TGM1: variants seen among roughly 807,000 people sequenced by gnomAD.
TGM1 encodes the protein transglutaminase 1.
In TGM1, 63 loss-of-function variants were observed where a neutral mutation model predicts 88.7. The observed-to-expected ratio is 0.71, with a 90% CI of 0.58 to 0.88. The LOEUF (loss-of-function observed/expected upper bound fraction) is 0.88. TGM1 is among the 40% of genes least tolerant of loss of function. The probability of loss-of-function intolerance (pLI) is 0.00; values close to 1 mark genes in which losing one functional copy is unlikely to be tolerated. For synonymous variants in TGM1, 415 were observed against 431.1 expected (o/e 0.96, Z 0.46); for missense variants, 996 against 1,118.0 (o/e 0.89, Z 1.56).
intron 7 of TGM1, 142 bp from the exon 8 acceptor site, chr14:24,258,815 G>A (rs1281094811): frequency 2.3e-6 from 3 of 1,315,804 alleles, no homozygotes; most frequent in Admixed American, 4.3e-5. Flanking sequence ...GGGGCCACAA[G>A]GCCTTTGGGC....
At position 24,255,212 on chromosome 14, in the gene TGM1, G is replaced by T. The variant is rs751219893; in HGVS notation, c.1687C>A (p.His563Asn). ...ERKAVETAAA[H>N]GSKPNVYANR... ...GCATACACATTGGGTTTGCTGCCGT[G>T]GGCTGCTGCTGTCTCTACTGCCTTC... is the stretch of plus-strand genomic sequence containing the variant. The change falls in exon 12 of 15, where the codon CAC becomes AAC. Residue 563 changes from histidine to asparagine, a missense_variant. By Grantham distance (68) the His-to-Asn change is moderately conservative. Transcript: ENST00000206765. The surrounding 1 kb of genome is among the most constrained non-coding windows in gnomAD (Gnocchi z 4.0). 3.1e-6 allele frequency: 5 copies of T among 1,613,702 alleles called. No homozygotes were observed. The highest frequency in any genetic ancestry group is 4.2e-6 in the Non-Finnish European group (5 of 1,180,038).
rs564390872 is a variant in TGM1 at position 24,255,072 on chromosome 14, T to G, written c.1827A>C (p.Thr609=). The change falls in exon 12 of 15, where the codon ACA becomes ACC. Residue 609 remains threonine, a synonymous_variant. Coordinates refer to ENST00000206765, the MANE Select transcript of TGM1 (RefSeq NM_000359.3). The surrounding 1 kb of genome is among the most constrained non-coding windows in gnomAD (Gnocchi z 4.0). ...MLINHSSSRR[T]VKLHLYLSVT... The stretch of plus-strand genomic sequence containing the variant: ...CTGAGAGGTAGAGGTGCAGTTTCAC[T>G]GTGCGGCGGCTGCTGCTGTGATTGA... The G allele has an allele frequency of 2.5e-6, 4 of 1,614,174 alleles. No individual in the cohort carries two copies. Among genetic ancestry groups the G allele is most frequent in the African/African-American group, 2.7e-5 (2 of 75,048 alleles).
At position 24,260,634 on chromosome 14, in the gene TGM1, T is replaced by C; in HGVS notation, c.573A>G (p.Gly191=). 6.2e-7 allele frequency: 1 copy of C among 1,614,170 alleles called. No individual in the cohort carries two copies. The highest frequency in any genetic ancestry group is 8.5e-7 in the Non-Finnish European group (1 of 1,180,028). The change falls in exon 4 of 15, where the codon GGA becomes GGG. Residue 191 remains glycine (G), a synonymous_variant. Transcript: ENST00000206765. ...VIIPVGKGGS[G]GWKAQVVKAS... is the part of the protein sequence containing the mutation. ...CCTTGACCACCTGGGCTTTCCAGCC[T>C]CCACTGCCCCCCTTGCCCACTGGGA...
rs1457816231 is a variant in TGM1 at position 24,255,299 on chromosome 14, G to T, written c.1646-46C>A. 6.2e-7 allele frequency: 1 copy of T among 1,614,210 alleles called. No homozygotes were observed. The highest frequency in any genetic ancestry group is 8.5e-7 in the Non-Finnish European group (1 of 1,180,038). On this transcript the variant is annotated intron_variant, in intron 11 of 14. Transcript: ENST00000206765. The surrounding 1 kb of genome is among the most constrained non-coding windows in gnomAD (Gnocchi z 4.0). The stretch of plus-strand genomic sequence containing the variant: ...GTGAGGTTCCAATTCCCACGTGGGT[G>T]GCCAAGCACTTGGCAGGAACACTTG...
intron 14 of TGM1, 44 bp from the exon 15 acceptor site, chr14:24,249,585 G>A (rs142522766): frequency 4.3e-4 from 668 of 1,549,624 alleles, no homozygotes; most frequent in Non-Finnish European, 5.6e-4. Flanking sequence ...AATTGGGGGT[G>A]GAGTGGGGAG....
chr14:24,255,002 T>C lies in TGM1; in HGVS notation c.1897A>G (p.Lys633Glu). 1.2e-6 allele frequency: 2 copies of C among 1,613,946 alleles called. No homozygotes were observed. Among genetic ancestry groups the C allele is most frequent in the Non-Finnish European group, 1.7e-6 (2 of 1,180,028 alleles). The change falls in exon 12 of 15, where the codon AAG becomes GAG. Residue 633 changes from lysine (K) to glutamate (E), a missense_variant. Transcript: ENST00000206765. The surrounding 1 kb of genome is among the most constrained non-coding windows in gnomAD (Gnocchi z 4.0). The part of the protein sequence containing the change: ...GVSGTIFKET[K>E]KEVELAPGAS... ...CCTGGTGCCAGCTCCACTTCCTTCT[T>C]GGTCTCCTTGAAGATGGTACCACTG...
In TGM1 at chr14:24,250,179, T is replaced by TGTGTGTGTGTGAGA. The variant is rs138497842; in HGVS notation, c.2226-639_2226-638insTCTCACACACACAC. ...GTGTGTGTGTGTGTGTGTGTGTGTGTGAGAGAGACAGAGAGGTGGGTGGAC... is the reference window on the plus strand; with the variant it reads ...GTGTGTGTGTGTGTGTGTGTGTGTGTGTGTGTGTGTGAGAGAGAGAGACAGAGAGGTGGGTGGAC... On this transcript the variant is annotated intron_variant, in intron 14 of 14. Coordinates refer to ENST00000206765, the MANE Select transcript of TGM1 (RefSeq NM_000359.3). 2.5e-3 allele frequency among the ~76,000 whole-genome samples: 354 copies of TGTGTGTGTGTGAGA among 140,784 alleles called. 3 individuals are homozygous for TGTGTGTGTGTGAGA. The highest frequency in any genetic ancestry group is 7.0e-3 in the East Asian group (32 of 4,554). 92.4% of individuals were successfully genotyped at this position (140,784 alleles called of 152,430 possible). A position where few individuals can be genotyped will look rare whatever the true frequency, so the allele number is the denominator to read the frequency against.
At position 24,256,089 on chromosome 14, in the gene TGM1, G is replaced by A; in HGVS notation, c.1403-12C>T. Reference sequence around the variant, plus strand: ...GCAGCAGAAGATGCCTAGAGAGTGAGGCGGGACAGAGGCAAGAGATCTGAG... The same window carrying A: ...GCAGCAGAAGATGCCTAGAGAGTGAAGCGGGACAGAGGCAAGAGATCTGAG... On this transcript the variant is annotated splice_polypyrimidine_tract_variant and intron_variant, in intron 9 of 14. Transcript: ENST00000206765. The A allele has an allele frequency of 6.4e-7, 1 of 1,555,448 alleles. No homozygotes were observed. The highest frequency in any genetic ancestry group is 8.7e-7 in the Non-Finnish European group (1 of 1,148,262).
chr14:24,261,754 A>C lies in TGM1; in HGVS notation c.449T>G (p.Leu150Arg). Residue 150 changes from leucine (L) to arginine (R), a missense_variant, in exon 3 of 15, where the codon CTC becomes CGC. By Grantham distance (102) the Leu-to-Arg change is moderately radical. Coordinates refer to ENST00000206765, the MANE Select transcript of TGM1 (RefSeq NM_000359.3). ...IVRRGQPFHM[L>R]LLLSRTYESS... ...TTCATAGGTCCGGGACAGGAGGAGG[A>C]GCATATGGAAAGGCTGCCCGCGGCG... 1 of 1,613,980 alleles carries C rather than the reference A, an allele frequency of 6.2e-7. No individual in the cohort carries two copies. Among genetic ancestry groups the C allele is most frequent in the Non-Finnish European group, 8.5e-7 (1 of 1,179,982 alleles).
At chr14:24,261,277 T>A (rs904384389) in intron 3 of TGM1, among the ~76,000 whole-genome samples, 2 of 151,672 alleles carry the variant, frequency 1.3e-5, no homozygotes, top group Admixed American at 1.3e-4. Context: ...CTGCCTTGGG[T>A]CATGGGGACA....
At chr14:24,250,275 TCCCA>T (rs2139014715) in intron 14 of TGM1, among the ~76,000 whole-genome samples, 1 of 151,926 alleles carries the variant, frequency 6.6e-6, no homozygotes, top group African/African-American at 2.4e-5. Flanking sequence ...AAAAATTGAT[TCCCA>T]GACCTCCCCT....
chr14:24,256,666 G>T (rs555451447), intron 9 of TGM1, among the ~76,000 whole-genome samples: 2 of 152,350 alleles, frequency 1.3e-5, no homozygotes, highest in African/African-American at 4.8e-5. Flanking sequence ...AGAAGAGATA[G>T]GCTGACAGGA....
At position 24,258,533 on chromosome 14, in the gene TGM1, A is replaced by G. The variant is rs1555306102; in HGVS notation, c.1298+2T>C. The G allele has an allele frequency of 6.2e-7, 1 of 1,613,982 alleles. No individual in the cohort carries two copies. Among genetic ancestry groups the G allele is most frequent in the Non-Finnish European group, 8.5e-7 (1 of 1,179,968 alleles). On this transcript the variant is annotated splice_donor_variant, in intron 8 of 14. Coordinates refer to ENST00000206765, the MANE Select transcript of TGM1 (RefSeq NM_000359.3). LOFTEE classifies it high-confidence loss of function. ...ACAGATGGGCAGTCCACCCCAGCTC[A>G]CCAGACAGAATCATGGTTCAGGTGC...
rs1295265186 is a variant in TGM1, at chr14:24,249,375, C to T, written c.2392G>A (p.Asp798Asn). 10 of 1,613,982 alleles carry T rather than the reference C, an allele frequency of 6.2e-6. No homozygotes were observed. Among genetic ancestry groups the T allele is most frequent in the Non-Finnish European group, 8.5e-6 (10 of 1,180,030 alleles). The change falls in exon 15 of 15, where the codon GAC becomes AAC. Residue 798 changes from aspartate to asparagine, a missense_variant. Asp to Asn is a conservative substitution (Grantham distance 23, BLOSUM62 1). Transcript: ENST00000206765. ...CCTAAGTGACTGTCACCTCCAGCGT[C>T]TGAGAAGAAGCCCCCATCCCCAGGG... ...PAPGDGGFFSDAGGDSHLGET... is the reference protein window; with the variant it reads ...PAPGDGGFFSNAGGDSHLGET...
At chr14:24,260,762 A>T in intron 3 of TGM1, 64 bp from the exon 4 acceptor site, 1 of 1,608,924 alleles carries the variant, frequency 6.2e-7, no homozygotes, top group Non-Finnish European at 8.5e-7. Context: ...GGAGCCTGGG[A>T]CTTCTCCCGG....
At position 24,258,380 on chromosome 14, in the gene TGM1, T is replaced by C. The variant is rs1381998109; in HGVS notation, c.1307A>G (p.His436Arg). 1 of 1,614,080 alleles carries C rather than the reference T, an allele frequency of 6.2e-7. No individual in the cohort carries two copies. The change falls in exon 9 of 15, where the codon CAT (histidine) becomes CGT (arginine). Residue 436 changes from histidine to arginine, a missense_variant. Coordinates refer to ENST00000206765, the MANE Select transcript of TGM1 (RefSeq NM_000359.3). ...CTTCATCCAGCAGTCGTTCCACACA[T>C]GGAAGTTCCTGGATGGACATGGAGG... is the stretch of plus-strand genomic sequence containing the variant. Reference protein sequence around the residue: ...HLNHDSVWNFHVWNDCWMKRP... With the variant: ...HLNHDSVWNFRVWNDCWMKRP...
chr14:24,250,188 CAGAG>C (rs2040690400), intron 14 of TGM1, among the ~76,000 whole-genome samples: 1 of 69,810 alleles, frequency 1.4e-5, no homozygotes, highest in African/African-American at 6.4e-5. Flanking sequence ...GTGAGAGAGA[CAGAG>C]AGGTGGGTGG....
In TGM1 at chr14:24,254,730, C is replaced by T. The variant is rs140355027; in HGVS notation, c.2022G>A (p.Lys674=). 37 of 1,613,962 alleles carry T rather than the reference C, an allele frequency of 2.3e-5. No homozygotes were observed. Among genetic ancestry groups the T allele is most frequent in the Non-Finnish European group, 2.8e-5 (33 of 1,180,040 alleles). ...GCTTGGCCAGCACCTGCCCGCTCTCCTTGACGTGGCCTGAGACATTGAGCA... is the reference window on the plus strand; with the variant it reads ...GCTTGGCCAGCACCTGCCCGCTCTCTTTGACGTGGCCTGAGACATTGAGCA... ...AMLLNVSGHV[K]ESGQVLAKQH... The change falls in exon 13 of 15, where the codon AAG becomes AAA. Residue 674 remains lysine (K), a synonymous_variant. Transcript: ENST00000206765.
chr14:24,260,021 C>G lies in TGM1; in HGVS notation c.795G>C (p.Gln265His), dbSNP rs754808781. 6.2e-7 allele frequency: 1 copy of G among 1,614,238 alleles called. No homozygotes were observed. The highest frequency in any genetic ancestry group is 8.5e-7 in the Non-Finnish European group (1 of 1,180,040). ...IVYVDHEDWR[Q>H]EYVLNESGRI... ...TCCCAGACTCATTAAGAACATACTC[C>G]TGCCGCCAATCCTCATGGTCCACGT... The change falls in exon 5 of 15, where the codon CAG becomes CAC. Residue 265 changes from glutamine to histidine, a missense_variant. Physicochemically the swap from Gln to His is conservative, Grantham distance 24 (BLOSUM62 0). Transcript: ENST00000206765.
Sources: allele counts gnomAD v4.1 joint callset (sites outside exome capture counted in the v4.1 genomes callset), GRCh38; gene constraint gnomAD v4.1.1; non-coding constraint Gnocchi (gnomAD v3.1); transcripts MANE v1.5; gene names NCBI Gene and HGNC (gene_info 2026-07-23, HGNC 2026-07-21).